Variants in POLR1A observed in about 807,000 individuals in gnomAD.
POLR1A encodes RNA polymerase I subunit A, also known as DNA-directed RNA polymerase I subunit RPA1.
A neutral mutation model predicts 205.3 loss-of-function variants in POLR1A; 84 were observed. The ratio of observed to expected loss-of-function variants is 0.41; its 90% CI spans 0.34 to 0.49. The LOEUF is 0.49. POLR1A is among the 20% of genes least tolerant of loss of function. The pLI, the probability that POLR1A is intolerant of heterozygous loss-of-function variation, is 0.22. For missense variants in POLR1A, 1,645 were observed against 2,204.5 expected (o/e 0.75, Z 5.08); for synonymous variants, 799 against 863.7 (o/e 0.93, Z 1.31).
intron 3 of POLR1A, among the ~76,000 whole-genome samples, chr2:86,096,216 A>C (rs74884653): frequency 0.053 from 8,078 of 152,242 alleles, 263 homozygotes; most frequent in East Asian, 0.098. Flanking sequence ...CCTAGGAATA[A>C]ATTTAACCAA....
Position 86,100,118 on chromosome 2 carries a change from G to T in POLR1A, c.132C>A (p.Asn44Lys). The change falls in exon 2 of 34, where the codon AAC becomes AAA. Residue 44 changes from asparagine (N) to lysine (K), a missense_variant. Asn to Lys is a moderately conservative substitution (Grantham distance 94). Around this residue, in one of 16 missense-constraint regions of POLR1A, gnomAD observed 330 missense variants for 375.6 expected, o/e 0.88. Transcript: ENST00000263857. ...TNPRYLDSLG[N>K]PSANGLYDLA... ...AATCGTACAGGCCGTTTGCCGATGG[G>T]TTCCCCAGGCTGTCCAGGTATCGAG... is the stretch of plus-strand genomic sequence containing the variant. 2 of 1,614,170 alleles carry T rather than the reference G, an allele frequency of 1.2e-6. No individual in the cohort carries two copies. Among genetic ancestry groups the T allele is most frequent in the Non-Finnish European group, 1.7e-6 (2 of 1,180,004 alleles).
Position 86,057,196 on chromosome 2 carries a change from A to G in POLR1A, c.2059-2907T>C, listed in dbSNP as rs571187175. On this transcript the variant is annotated intron_variant, in intron 14 of 33. Coordinates refer to ENST00000263857, the MANE Select transcript of POLR1A (RefSeq NM_015425.6). ...AGGAGTTTGGAACAAGTTGATTCCA[A>G]CCCTTAAGTATGACTTTCAGAGGGT... Among the ~76,000 whole-genome samples, 7 of 152,290 alleles carry G rather than the reference A, an allele frequency of 4.6e-5. No homozygotes were observed. The South Asian group carries it at 1.5e-3, about 32-fold the overall frequency.
intron 12 of POLR1A, among the ~76,000 whole-genome samples, chr2:86,072,895 T>C (rs1673205553): frequency 6.6e-6 from 1 of 152,116 alleles, no homozygotes; most frequent in South Asian, 2.1e-4. Context: ...CCCTGACCCA[T>C]ATGCAACACA....
chr2:86,098,656 G>C lies in POLR1A; in HGVS notation c.387C>G (p.Val129=). ...LLLCQLRVLE[V]GALQAVYELE... The stretch of plus-strand genomic sequence containing the variant: ...GCTCGTAGACTGCTTGTAGGGCCCC[G>C]ACTTCCAGAACCCTCAGCTGGCAGA... The change falls in exon 3 of 34, where the codon GTC becomes GTG. Residue 129 remains valine, a synonymous_variant. Transcript: ENST00000263857. 1.9e-6 allele frequency: 3 copies of C among 1,613,636 alleles called. No homozygotes were observed. The highest frequency in any genetic ancestry group is 2.5e-6 in the Non-Finnish European group (3 of 1,179,878).
intron 18 of POLR1A, among the ~76,000 whole-genome samples, 159 bp downstream of exon 18, chr2:86,048,725 T>C (rs1558768232): frequency 6.6e-6 from 1 of 152,208 alleles, no homozygotes; most frequent in South Asian, 2.1e-4. Flanking sequence ...CCTGGGCCCT[T>C]CAAAACAACG....
chr2:86,084,062 T>G (rs759789894), intron 6 of POLR1A, among the ~76,000 whole-genome samples: 1 of 152,198 alleles, frequency 6.6e-6, no homozygotes, highest in African/African-American at 2.4e-5. Flanking sequence ...CCTGAGGAGT[T>G]TGAGACCAGC....
chr2:86,048,696 CTG>C (rs1672748746), intron 18 of POLR1A, among the ~76,000 whole-genome samples, 186 bp downstream of exon 18: 1 of 152,268 alleles, frequency 6.6e-6, no homozygotes, highest in South Asian at 2.1e-4. Context: ...TAGACCCTAA[CTG>C]GGGCAGGGAA....
rs1447923130 is a variant in POLR1A at position 86,043,117 on chromosome 2, T to C, written c.3214A>G (p.Ile1072Val). Residue 1072 changes from isoleucine (I) to valine (V), a missense_variant, in exon 23 of 34, where the codon ATC (isoleucine) becomes GTC (valine). Physicochemically the swap from Ile to Val is conservative, Grantham distance 29. This residue lies in a region of POLR1A where 201 missense variants were observed against 222.3 expected (regional missense o/e 0.90). Transcript: ENST00000263857. ...PKKALHHFRA[I>V]KKWQSKHPNT... ...GGGTGCTTGCTTTGCCATTTTTTGA[T>C]AGCTCTGAAGTGGTGGAGAGCTTTT... 6.2e-7 allele frequency: 1 copy of C among 1,614,184 alleles called. No homozygotes were observed. Among genetic ancestry groups the C allele is most frequent in the Non-Finnish European group, 8.5e-7 (1 of 1,179,998 alleles).
At chr2:86,089,246 G>C (rs1184221896) in intron 4 of POLR1A, among the ~76,000 whole-genome samples, 1 of 152,204 alleles carries the variant, frequency 6.6e-6, no homozygotes, top group African/African-American at 2.4e-5. Context: ...AGGACCTCAG[G>C]GTTCTAAGGA....
rs1199019852 is a variant in POLR1A at position 86,070,157 on chromosome 2, C to T, written c.1727G>A (p.Arg576Gln). 11 of 1,614,068 alleles carry T rather than the reference C, an allele frequency of 6.8e-6. No homozygotes were observed. The highest frequency in any genetic ancestry group is 9.3e-6 in the Non-Finnish European group (11 of 1,180,044). The change falls in exon 13 of 34, where the codon CGG becomes CAG. Residue 576 changes from arginine (R) to glutamine (Q), a missense_variant. Transcript: ENST00000263857. The surrounding 1 kb of genome is among the most constrained non-coding windows in gnomAD (Gnocchi z 4.4). Reference protein sequence around the residue: ...ARILPEEKVLRLHYANCKAYN... With the variant: ...ARILPEEKVLQLHYANCKAYN... ...GGCCTTGCAGTTGGCATAGTGGAGCCGCAGCACTTTCTCTTCAGGCAGGAT... is the reference window on the plus strand; with the variant it reads ...GGCCTTGCAGTTGGCATAGTGGAGCTGCAGCACTTTCTCTTCAGGCAGGAT...
chr2:86,051,444 G>A (rs1187954515), intron 16 of POLR1A, among the ~76,000 whole-genome samples: 2 of 151,950 alleles, frequency 1.3e-5, no homozygotes, highest in African/African-American at 4.8e-5. Flanking sequence ...AGGCCCCAGT[G>A]TGGGCCAATG....
chr2:86,052,777 T>C, intron 16 of POLR1A, 40 bp downstream of exon 16: 1 of 1,461,374 alleles, frequency 6.8e-7, no homozygotes. Flanking sequence ...GCGGCTGCGC[T>C]GACGGGTCAC....
At chr2:86,102,901 T>C (rs1469187645) in intron 1 of POLR1A, among the ~76,000 whole-genome samples, 1 of 152,064 alleles carries the variant, frequency 6.6e-6, no homozygotes, top group Non-Finnish European at 1.5e-5. Context: ...CCACAAATGG[T>C]GTTGTTAAGA....
At chr2:86,044,105 C>G (rs1416403275) in intron 22 of POLR1A, 34 bp downstream of exon 22, 1 of 1,608,402 alleles carries the variant, frequency 6.2e-7, no homozygotes, top group East Asian at 2.2e-5. Context: ...AGGCCTACTG[C>G]TCGGCCCCCA....
At chr2:86,034,258 C>A (rs1213375876) in intron 27 of POLR1A, among the ~76,000 whole-genome samples, 1 of 152,168 alleles carries the variant, frequency 6.6e-6, no homozygotes, top group East Asian at 1.9e-4. Context: ...GGGAACCCCA[C>A]CCAGGACTAG....
chr2:86,036,092 C>T (rs528603248), intron 27 of POLR1A, among the ~76,000 whole-genome samples: 56 of 152,276 alleles, frequency 3.7e-4, no homozygotes, highest in Non-Finnish European at 6.9e-4. Context: ...AGAGAAGCCT[C>T]CCGTCCCACG....
At position 86,030,349 on chromosome 2, in the gene POLR1A, G is replaced by A. The variant is rs768631152; in HGVS notation, c.4626C>T (p.Ser1542=). 1 of 1,614,142 alleles carries A rather than the reference G, an allele frequency of 6.2e-7. No individual in the cohort carries two copies. The highest frequency in any genetic ancestry group is 8.5e-7 in the Non-Finnish European group (1 of 1,180,000). ...PLMKINFDMS[S]LVVSLAHGAV... is the part of the protein sequence containing the mutation. ...CACCATGGGCCAAAGATACTACCAG[G>A]GAGCTCATGTCAAAGTTGATCTTCA... Residue 1542 remains serine (S), a synonymous_variant, in exon 31 of 34, where the codon TCC becomes TCT. Coordinates refer to ENST00000263857, the MANE Select transcript of POLR1A (RefSeq NM_015425.6).
chr2:86,105,852 A>C lies in POLR1A; in HGVS notation c.-76T>G. On this transcript the variant is annotated 5_prime_UTR_variant, in exon 1 of 34. Transcript: ENST00000263857. The stretch of plus-strand genomic sequence containing the variant: ...ACCTGACTATTCTTAATTCAACCTC[A>C]AGCCCGGAGTCACCACGCGATTCAA... 78 of 1,321,486 alleles carry C rather than the reference A, an allele frequency of 5.9e-5. No individual in the cohort carries two copies. The highest frequency in any genetic ancestry group is 7.8e-5 in the Non-Finnish European group (72 of 926,564). The allele number at this position is 1,321,486 out of a possible 1,614,324, so 81.9% of individuals were successfully genotyped here. A position where few individuals can be genotyped will look rare whatever the true frequency, so the allele number is the denominator to read the frequency against.
chr2:86,045,410 C>G, intron 20 of POLR1A, 50 bp from the exon 21 acceptor site: 1 of 1,460,080 alleles, frequency 6.8e-7, no homozygotes, highest in Non-Finnish European at 9.6e-7. Flanking sequence ...GGACAGTGCG[C>G]TTCCTGAAGG....
Sources: gnomAD v4.1 joint callset for allele counts (sites outside exome capture counted in the v4.1 genomes callset) on GRCh38, gnomAD v4.1.1 for gene constraint, gnomAD v4.1.1 regional missense constraint, Gnocchi (gnomAD v3.1) non-coding constraint, MANE v1.5 for transcripts, NCBI Gene and HGNC (gene_info 2026-07-23, HGNC 2026-07-21) for gene names.